Variants in STAMBP observed in about 807,000 individuals in gnomAD.
The protein encoded by STAMBP is STAM binding protein.
STAMBP carries 31 observed loss-of-function variants against 50.7 expected under a neutral mutation model. The ratio of observed to expected loss-of-function variants is 0.61; its 90% CI spans 0.46 to 0.83. STAMBP has a LOEUF of 0.83. STAMBP is among the 40% of genes least tolerant of loss of function. The pLI is 0.00. For missense variants in STAMBP, 472 were observed against 518.9 expected (o/e 0.91, Z 0.88); for synonymous variants, 211 against 192.4 (o/e 1.10, Z -0.80).
chr2:73,838,082 G>A (rs1006806326), intron 2 of STAMBP, among the ~76,000 whole-genome samples: 3 of 152,206 alleles, frequency 2.0e-5, no homozygotes, highest in Non-Finnish European at 4.4e-5. Context: ...TCGCTAGAAG[G>A]ATTACAGAGA....
intron 7 of STAMBP, among the ~76,000 whole-genome samples, chr2:73,857,506 A>G (rs1272940318): frequency 1.3e-5 from 2 of 152,108 alleles, no homozygotes; most frequent in Non-Finnish European, 2.9e-5. Flanking sequence ...CTCTTCGTCC[A>G]CAGTTTACTT....
chr2:73,844,876 A>G lies in STAMBP; in HGVS notation c.267A>G (p.Lys89=). Reference sequence around the variant, plus strand: ...AATCTGCTGTCATTCCTGAAAAGAAAGACACAGTAAAGGTGGGTCTTCACT... The same window carrying G: ...AATCTGCTGTCATTCCTGAAAAGAAGGACACAGTAAAGGTGGGTCTTCACT... ...DYKSAVIPEK[K]DTVKKLKEIA... Residue 89 remains lysine, a synonymous_variant, in exon 3 of 10, where the codon AAA becomes AAG. Coordinates refer to ENST00000394070, the MANE Select transcript of STAMBP (RefSeq NM_213622.4). 6.2e-7 allele frequency: 1 copy of G among 1,613,992 alleles called. No homozygotes were observed. The highest frequency in any genetic ancestry group is 1.3e-5 in the African/African-American group (1 of 75,060).
chr2:73,859,558 A>T (rs1678033643), intron 8 of STAMBP, among the ~76,000 whole-genome samples, 192 bp downstream of exon 8: 1 of 152,226 alleles, frequency 6.6e-6, no homozygotes, highest in Non-Finnish European at 1.5e-5. Flanking sequence ...TCAAAAAGAT[A>T]TCCAAGTAAC....
downstream of STAMBP, among the ~76,000 whole-genome samples, chr2:73,867,443 C>T (rs1056484485): frequency 6.6e-6 from 1 of 152,070 alleles, no homozygotes; most frequent in South Asian, 2.1e-4. Context: ...ACTTGGGAGG[C>T]TAAGGCATGA....
chr2:73,860,226 T>A (rs1348912415), intron 9 of STAMBP, 75 bp downstream of exon 9: 4 of 1,233,822 alleles, frequency 3.2e-6, no homozygotes, highest in African/African-American at 3.0e-5. Flanking sequence ...AAATGCATCA[T>A]CCTTTCTGAT....
At chr2:73,869,632 G>A (rs1026230763), downstream of STAMBP, among the ~76,000 whole-genome samples, 3 of 152,074 alleles carry the variant, frequency 2.0e-5, no homozygotes, top group Admixed American at 2.0e-4. Context: ...GCTAAATGAC[G>A]AGTTAATGGG....
intron 7 of STAMBP, among the ~76,000 whole-genome samples, chr2:73,856,883 G>A (rs1285224081): frequency 6.6e-6 from 1 of 152,152 alleles, no homozygotes; most frequent in Non-Finnish European, 1.5e-5. Flanking sequence ...CAGTTTCTGT[G>A]TGCTGTCATC....
intron 2 of STAMBP, among the ~76,000 whole-genome samples, chr2:73,832,601 A>C (rs759204685): frequency 6.6e-6 from 1 of 152,078 alleles, no homozygotes; most frequent in Non-Finnish European, 1.5e-5. Context: ...TATCACATTA[A>C]GTTTTTGATC....
intron 7 of STAMBP, among the ~76,000 whole-genome samples, chr2:73,851,964 G>A (rs1030558768): frequency 6.6e-6 from 1 of 152,124 alleles, no homozygotes; most frequent in Non-Finnish European, 1.5e-5. Context: ...GTAGTACATT[G>A]GAGCCGAGTT....
chr2:73,843,251 G>A (rs1675640737), intron 2 of STAMBP, among the ~76,000 whole-genome samples: 1 of 144,802 alleles, frequency 6.9e-6, no homozygotes, highest in Admixed American at 6.9e-5. Context: ...AGGCTGGAGT[G>A]CAGTGGTGTG....
At chr2:73,867,917 G>A (rs1347500395), downstream of STAMBP, among the ~76,000 whole-genome samples, 3 of 152,070 alleles carry the variant, frequency 2.0e-5, no homozygotes, top group East Asian at 5.8e-4. Flanking sequence ...CTGAGGTCAG[G>A]AGTTCAAGAC....
chr2:73,850,755 A>G lies in STAMBP; in HGVS notation c.1005+242A>G, dbSNP rs1676708710. Among the ~76,000 whole-genome samples, 1 of 152,192 alleles carries G rather than the reference A, an allele frequency of 6.6e-6. No individual in the cohort carries two copies. Among genetic ancestry groups the G allele is most frequent in the Non-Finnish European group, 1.5e-5 (1 of 68,036 alleles). ...TTAGTAAAAATAAACTGTTTTCCCT[A>G]AAGTTCCAGTTTCCCTCTGAGTGTA... On this transcript the variant is annotated intron_variant, in intron 7 of 9. Transcript: ENST00000394070. The surrounding 1 kb of genome is among the most constrained non-coding windows in gnomAD (Gnocchi z 4.3).
rs61483994 is a variant in STAMBP, at chr2:73,851,637, A to ATT, written c.1005+1142_1005+1143dup. 4.5e-3 allele frequency among the ~76,000 whole-genome samples: 604 copies of ATT among 135,694 alleles called. 8 individuals carry two copies. The highest frequency in any genetic ancestry group is 0.015 in the African/African-American group (554 of 36,718). 89.0% of individuals were successfully genotyped at this position (135,694 alleles called of 152,430 possible). A position where few individuals can be genotyped will look rare whatever the true frequency, so the allele number is the denominator to read the frequency against. On this transcript the variant is annotated intron_variant, in intron 7 of 9. Transcript: ENST00000394070. ...GGTTCATATCAGGAAACAGTGGTAG[A>ATT]TTTTTTTTTTTTTTTTTTTGAGACA...
chr2:73,858,248 C>T (rs1238848132), intron 7 of STAMBP, among the ~76,000 whole-genome samples: 1 of 147,276 alleles, frequency 6.8e-6, no homozygotes. Flanking sequence ...TCATGATCTG[C>T]CTGCCTCAGC....
chr2:73,851,699 G>C (rs1296326618), intron 7 of STAMBP, among the ~76,000 whole-genome samples: 1 of 151,412 alleles, frequency 6.6e-6, no homozygotes, highest in Non-Finnish European at 1.5e-5. Context: ...GAGTGCAATG[G>C]CAAGATCTTG....
At chr2:73,873,370 C>T (rs1057174138) in exon 11 of STAMBP, 3 of 152,184 alleles carry the variant, frequency 2.0e-5, no homozygotes, top group Admixed American at 1.3e-4. Context: ...GATGGAGGAA[C>T]AGAGCCCATG....
chr2:73,846,721 A>C (rs774550444), intron 4 of STAMBP, among the ~76,000 whole-genome samples: 2 of 152,154 alleles, frequency 1.3e-5, no homozygotes, highest in Non-Finnish European at 2.9e-5. Context: ...TAGAATATGT[A>C]CATGACACAG....
At chr2:73,859,428 G>A in intron 8 of STAMBP, 62 bp downstream of exon 8, 2 of 1,287,176 alleles carry the variant, frequency 1.6e-6, no homozygotes, top group South Asian at 1.2e-5. Context: ...AAGCCTCAGG[G>A]GAAAAGGTCT....
At chr2:73,873,358 A>C (rs1679275932) in exon 11 of STAMBP, 5 of 152,236 alleles carry the variant, frequency 3.3e-5, no homozygotes, top group African/African-American at 1.2e-4. Context: ...ACAGCTCACC[A>C]AGATGGAGGA....
Sources: gnomAD v4.1 joint callset for allele counts (sites outside exome capture counted in the v4.1 genomes callset) on GRCh38, gnomAD v4.1.1 for gene constraint, Gnocchi (gnomAD v3.1) non-coding constraint, MANE v1.5 for transcripts, NCBI Gene and HGNC (gene_info 2026-07-23, HGNC 2026-07-21) for gene names.